Variants in PLXNA2 observed in about 807,000 individuals in gnomAD.
PLXNA2 encodes plexin-A2.
A neutral mutation model predicts 193.5 loss-of-function variants in PLXNA2; 91 were observed. The observed-to-expected ratio is 0.47, with a 90% confidence interval of 0.40 to 0.56. The LOEUF is 0.56. PLXNA2 is among the 20% of genes least tolerant of loss of function. PLXNA2 has a pLI of 0.00. For synonymous variants in PLXNA2, 997 were observed against 1,027.3 expected, an observed-to-expected ratio of 0.97 and a Z score of 0.56; for missense variants, 1,995 against 2,503.2, an observed-to-expected ratio of 0.80 and a Z score of 4.33.
In PLXNA2 at chr1:208,143,311, A is replaced by G. The variant is rs143342963; in HGVS notation, c.1372-848T>C. ...GTTCTCACACTAGTGTGTCCTCAGA[A>G]TCACCTGGAGGGCTTGGTGAATGCA... On this transcript the variant is annotated intron_variant, in intron 3 of 31. Coordinates refer to ENST00000367033, the MANE Select transcript of PLXNA2 (RefSeq NM_025179.4). 1.2e-3 allele frequency among the ~76,000 whole-genome samples: 189 copies of G among 152,336 alleles called. 4 individuals are homozygous for G. The East Asian group carries it at 0.035, about 28-fold the overall frequency.
chr1:208,097,064 A>T (rs751924239), intron 6 of PLXNA2, among the ~76,000 whole-genome samples, 181 bp from the exon 7 acceptor site: 5 of 152,156 alleles, frequency 3.3e-5, no homozygotes, highest in Admixed American at 2.0e-4. Flanking sequence ...TAATTATTCA[A>T]TGTGTGTAGG....
chr1:208,109,768 T>G (rs759281397), intron 4 of PLXNA2, among the ~76,000 whole-genome samples: 1 of 152,044 alleles, frequency 6.6e-6, no homozygotes, highest in Admixed American at 6.5e-5. Flanking sequence ...TTCTGAAGGA[T>G]GAGGAGGGAG....
rs755599576 is a variant in PLXNA2, at chr1:208,027,290, C to A, written c.5638G>T (p.Ala1880Ser). The change falls in exon 32 of 32, where the codon GCT (alanine) becomes TCT (serine). Residue 1880 changes from alanine (A) to serine (S), a missense_variant. Ala to Ser is a moderately conservative substitution (Grantham distance 99, BLOSUM62 1). This residue lies in a region of PLXNA2 where 1,291 missense variants were observed against 1,673.6 expected (regional missense o/e 0.77). Coordinates refer to ENST00000367033, the MANE Select transcript of PLXNA2 (RefSeq NM_025179.4). ...TTAATGAGCTGCTCCACCTTATAAG[C>A]CAGCCGCTGCCGCCGTGCCTGCTCA... The part of the protein sequence containing the change: ...QDEQARRQRL[A>S]YKVEQLINAM... 5.0e-6 allele frequency: 8 copies of A among 1,613,684 alleles called. No homozygotes were observed. The South Asian group carries it at 7.7e-5, about 16-fold the overall frequency.
chr1:208,112,302 G>A (rs948629860), intron 4 of PLXNA2, among the ~76,000 whole-genome samples: 2 of 152,224 alleles, frequency 1.3e-5, no homozygotes, highest in African/African-American at 4.8e-5. Context: ...TTTTCAGGTA[G>A]AGGCCATATT....
At chr1:208,199,066 A>G (rs1458114145) in intron 3 of PLXNA2, among the ~76,000 whole-genome samples, 1 of 152,234 alleles carries the variant, frequency 6.6e-6, no homozygotes, top group Non-Finnish European at 1.5e-5. Flanking sequence ...TCCCCATTCA[A>G]AAATGTGGCA....
At chr1:208,076,973 G>A (rs1666169757) in intron 12 of PLXNA2, among the ~76,000 whole-genome samples, 1 of 151,974 alleles carries the variant, frequency 6.6e-6, no homozygotes, top group African/African-American at 2.4e-5. Flanking sequence ...ATTATTTCAA[G>A]AATGAAAAGT....
rs747878387 is a variant in PLXNA2 at position 208,027,302 on chromosome 1, G to A, written c.5626C>T (p.Arg1876Trp). 5.0e-6 allele frequency: 8 copies of A among 1,613,254 alleles called. No homozygotes were observed. The highest frequency in any genetic ancestry group is 1.7e-5 in the Admixed American group (1 of 59,998). The change falls in exon 32 of 32, where the codon CGG becomes TGG. Residue 1876 changes from arginine to tryptophan, a missense_variant. Around this residue, in one of 3 missense-constraint regions of PLXNA2, gnomAD observed 1,291 missense variants for 1,673.6 expected, o/e 0.77. Coordinates refer to ENST00000367033, the MANE Select transcript of PLXNA2 (RefSeq NM_025179.4). ...GALEQDEQAR[R>W]QRLAYKVEQL... ...TCCACCTTATAAGCCAGCCGCTGCC[G>A]CCGTGCCTGCTCATCCTGCTCTAGG... is the stretch of plus-strand genomic sequence containing the variant.
At position 208,045,127 on chromosome 1, in the gene PLXNA2, G is replaced by C. The variant is rs539418936; in HGVS notation, c.3579C>G (p.Thr1193=). 4.8e-5 allele frequency: 78 copies of C among 1,614,002 alleles called. No individual in the cohort carries two copies. The highest frequency in any genetic ancestry group is 6.4e-5 in the Non-Finnish European group (75 of 1,180,012). ...VLIGETPCAV[T]VSETQLLCEP... is the part of the protein sequence containing the mutation. ...CGCAGAGAAGCTGGGTCTCAGATAC[G>C]GTGACAGCACAAGGGGTCTCTCCGA... The change falls in exon 19 of 32, where the codon ACC becomes ACG. Residue 1193 remains threonine (T), a synonymous_variant. Coordinates refer to ENST00000367033, the MANE Select transcript of PLXNA2 (RefSeq NM_025179.4).
intron 3 of PLXNA2, among the ~76,000 whole-genome samples, chr1:208,143,814 T>C (rs1022839502): frequency 6.6e-6 from 1 of 152,200 alleles, no homozygotes; most frequent in Non-Finnish European, 1.5e-5. Context: ...ATTGACTACC[T>C]ACTCGAATTG....
intron 3 of PLXNA2, among the ~76,000 whole-genome samples, chr1:208,154,355 A>T (rs1668869315): frequency 6.6e-6 from 1 of 152,164 alleles, no homozygotes; most frequent in Non-Finnish European, 1.5e-5. Flanking sequence ...CAGAATATCC[A>T]GTGGGCTCAA....
chr1:208,196,786 AT>A (rs1265768046), intron 3 of PLXNA2, among the ~76,000 whole-genome samples: 1 of 152,182 alleles, frequency 6.6e-6, no homozygotes, highest in East Asian at 1.9e-4. Flanking sequence ...AATTAATTTT[AT>A]GTGTGTTGTC....
In PLXNA2 at chr1:208,038,240, T is replaced by C. The variant is rs1664736378; in HGVS notation, c.4764+131A>G. 1.4e-6 allele frequency: 1 copy of C among 695,564 alleles called. No individual in the cohort carries two copies. The highest frequency in any genetic ancestry group is 2.6e-6 in the Non-Finnish European group (1 of 381,486). 43.1% of individuals were successfully genotyped at this position (695,564 alleles called of 1,614,324 possible). A position where few individuals can be genotyped will look rare whatever the true frequency, so the allele number is the denominator to read the frequency against. ...GGCAGCCATGGCTAAGAATCCCTGTTCTATGCTCCAGCAGGAGGAGGAAAG... is the reference window on the plus strand; with the variant it reads ...GGCAGCCATGGCTAAGAATCCCTGTCCTATGCTCCAGCAGGAGGAGGAAAG... On this transcript the variant is annotated intron_variant, in intron 26 of 31. Coordinates refer to ENST00000367033, the MANE Select transcript of PLXNA2 (RefSeq NM_025179.4). The surrounding 1 kb of genome is among the most constrained non-coding windows in gnomAD (Gnocchi z 4.1).
chr1:208,041,260 G>A (rs1424795332), intron 22 of PLXNA2, among the ~76,000 whole-genome samples: 2 of 152,200 alleles, frequency 1.3e-5, no homozygotes, highest in Non-Finnish European at 2.9e-5. Context: ...CCTTGCTAGA[G>A]GAAGGCTAAA....
chr1:208,150,497 T>A (rs182846998), intron 3 of PLXNA2, among the ~76,000 whole-genome samples: 1 of 152,282 alleles, frequency 6.6e-6, no homozygotes, highest in East Asian at 1.9e-4. Flanking sequence ...TGGGACAGTA[T>A]GAGAATTAAT....
chr1:208,218,164 T>C, intron 1 of PLXNA2, 162 bp from the exon 2 acceptor site: 1 of 621,984 alleles, frequency 1.6e-6, no homozygotes, highest in East Asian at 2.8e-5. Context: ...CTTAGGAATG[T>C]TCAGGGAATC....
chr1:208,207,746 G>A (rs1157805631), intron 3 of PLXNA2, among the ~76,000 whole-genome samples: 2 of 152,150 alleles, frequency 1.3e-5, no homozygotes, highest in African/African-American at 4.8e-5. Flanking sequence ...AGAGGGGTGG[G>A]AGCAAGTAAG....
At chr1:208,083,215 G>A (rs1666403749) in intron 10 of PLXNA2, among the ~76,000 whole-genome samples, 1 of 152,116 alleles carries the variant, frequency 6.6e-6, no homozygotes, top group Non-Finnish European at 1.5e-5. Flanking sequence ...CAGCTTTCCG[G>A]GCACAGATCT....
chr1:208,187,712 TG>T (rs1670052885), intron 3 of PLXNA2, among the ~76,000 whole-genome samples: 1 of 152,218 alleles, frequency 6.6e-6, no homozygotes, highest in African/African-American at 2.4e-5. Flanking sequence ...TAAAAGTCCC[TG>T]GCAAGTATTT....
intron 3 of PLXNA2, among the ~76,000 whole-genome samples, chr1:208,157,522 G>A (rs942781269): frequency 5.9e-5 from 9 of 152,204 alleles, no homozygotes; most frequent in Admixed American, 1.3e-4. Flanking sequence ...GAGTTGGCCA[G>A]TGGATGTTTC....
Sources: gnomAD v4.1 joint callset for allele counts (sites outside exome capture counted in the v4.1 genomes callset) on GRCh38, gnomAD v4.1.1 for gene constraint, gnomAD v4.1.1 regional missense constraint, Gnocchi (gnomAD v3.1) non-coding constraint, MANE v1.5 for transcripts, NCBI Gene and HGNC (gene_info 2026-07-23, HGNC 2026-07-21) for gene names.